Variants in NELL1 observed in about 807,000 individuals in gnomAD.
The protein encoded by NELL1 is neural EGFL like 1.
NELL1 carries 76 observed loss-of-function variants against 107.4 expected under a neutral mutation model. That is an observed-to-expected ratio of 0.71 (90% CI 0.59 to 0.86). The LOEUF (loss-of-function observed/expected upper bound fraction) is 0.86, where lower values mean the gene tolerates loss of function less well. Ranked by LOEUF, NELL1 falls within the 40% of genes least tolerant of loss-of-function variation. The probability of loss-of-function intolerance (pLI) is 0.00; values close to 1 mark genes in which losing one functional copy is unlikely to be tolerated. For missense variants in NELL1, 1,024 were observed against 1,005.5 expected, an observed-to-expected ratio of 1.02 and a Z score of -0.25; for synonymous variants, 353 against 341.2, an observed-to-expected ratio of 1.03 and a Z score of -0.38.
intron 17 of NELL1, among the ~76,000 whole-genome samples, chr11:21,568,338 T>C (rs1857020081): frequency 6.6e-6 from 1 of 151,826 alleles, no homozygotes; most frequent in East Asian, 1.9e-4. Flanking sequence ...CTAGCAGTTA[T>C]GGTAGGTGAG....
intron 15 of NELL1, among the ~76,000 whole-genome samples, chr11:21,532,098 C>G (rs1856004186): frequency 6.6e-6 from 1 of 152,094 alleles, no homozygotes; most frequent in Admixed American, 6.6e-5. Flanking sequence ...GTGATGTGAA[C>G]CTGATTATTT....
At chr11:21,127,720 G>A (rs1855518758) in intron 13 of NELL1, among the ~76,000 whole-genome samples, 1 of 152,106 alleles carries the variant, frequency 6.6e-6, no homozygotes, top group South Asian at 2.1e-4. Flanking sequence ...TCTTATGTCT[G>A]TTTTCAATGC....
intron 12 of NELL1, among the ~76,000 whole-genome samples, chr11:20,962,998 G>A (rs1307372152): frequency 6.6e-6 from 1 of 152,160 alleles, no homozygotes; most frequent in South Asian, 2.1e-4. Flanking sequence ...GAGGCACAGA[G>A]AACCCAGTAG....
At chr11:20,940,338 C>A (rs1850824053) in intron 10 of NELL1, among the ~76,000 whole-genome samples, 1 of 151,992 alleles carries the variant, frequency 6.6e-6, no homozygotes, top group Admixed American at 6.6e-5. Context: ...CGGCTCACTG[C>A]AACCTCTGCC....
intron 4 of NELL1, among the ~76,000 whole-genome samples, chr11:20,863,700 C>T (rs959667544): frequency 1.6e-4 from 25 of 151,790 alleles, no homozygotes; most frequent in East Asian, 2.0e-4. Context: ...ACTTCCCAGA[C>T]GGGGTGGTGA....
chr11:21,200,023 A>G (rs1033691285), intron 13 of NELL1, among the ~76,000 whole-genome samples: 1 of 152,026 alleles, frequency 6.6e-6, no homozygotes, highest in African/African-American at 2.4e-5. Context: ...TATGTGTCAC[A>G]TTTTCTTTAT....
intron 2 of NELL1, among the ~76,000 whole-genome samples, chr11:20,678,872 TG>T (rs1482481983): frequency 1.3e-5 from 2 of 152,208 alleles, no homozygotes; most frequent in African/African-American, 4.8e-5. Context: ...ATATGAATTT[TG>T]GTGGGACACA....
At chr11:20,739,284 G>C (rs1393531036) in intron 2 of NELL1, among the ~76,000 whole-genome samples, 3 of 152,214 alleles carry the variant, frequency 2.0e-5, no homozygotes, top group African/African-American at 7.2e-5. Flanking sequence ...GGCCTGCAGA[G>C]GACAGAGCCC....
chr11:21,333,575 T>C (rs1289687523), intron 14 of NELL1, among the ~76,000 whole-genome samples: 1 of 152,030 alleles, frequency 6.6e-6, no homozygotes, highest in Non-Finnish European at 1.5e-5. Context: ...ATGTGTGTAT[T>C]TAGTTTCATC....
At chr11:20,843,567 T>C (rs1848654165) in intron 3 of NELL1, among the ~76,000 whole-genome samples, 1 of 146,676 alleles carries the variant, frequency 6.8e-6, no homozygotes, top group Non-Finnish European at 1.5e-5. Context: ...GTTCTATATA[T>C]AAAATATAAT....
chr11:20,825,220 C>A (rs145578194), intron 3 of NELL1, among the ~76,000 whole-genome samples: 10 of 151,520 alleles, frequency 6.6e-5, no homozygotes, highest in East Asian at 1.9e-4. Context: ...TCATAGAGAA[C>A]CTCTGCTAGG....
chr11:21,573,556 A>T, intron 19 of NELL1, 147 bp downstream of exon 19: 2 of 703,460 alleles, frequency 2.8e-6, no homozygotes, highest in South Asian at 3.6e-5. Flanking sequence ...GGAATTTAAT[A>T]TGTATGAATA....
intron 2 of NELL1, among the ~76,000 whole-genome samples, chr11:20,709,658 C>T (rs1302390853): frequency 6.6e-6 from 1 of 152,126 alleles, no homozygotes; most frequent in Non-Finnish European, 1.5e-5. Flanking sequence ...AATATTGATT[C>T]TACCCATCCG....
chr11:20,707,048 G>A (rs1182042008), intron 2 of NELL1, among the ~76,000 whole-genome samples: 1 of 152,082 alleles, frequency 6.6e-6, no homozygotes, highest in Non-Finnish European at 1.5e-5. Flanking sequence ...CATATTTCTT[G>A]GAGGCTTTGT....
chr11:20,973,565 C>G (rs1214791241), intron 12 of NELL1, among the ~76,000 whole-genome samples: 1 of 152,188 alleles, frequency 6.6e-6, no homozygotes, highest in Non-Finnish European at 1.5e-5. Context: ...GAATGTGATT[C>G]CATGGATAAA....
intron 14 of NELL1, among the ~76,000 whole-genome samples, chr11:21,319,494 T>TTATATATATATATATATATA (rs143740709): frequency 5.2e-5 from 7 of 135,622 alleles, no homozygotes; most frequent in Non-Finnish European, 7.8e-5. Flanking sequence ...CCAGCTAAAT[T>TTATATATATATATATATATA]TATATATATA....
intron 12 of NELL1, among the ~76,000 whole-genome samples, chr11:21,015,714 A>G (rs958104518): frequency 9.2e-5 from 14 of 151,886 alleles, no homozygotes; most frequent in Non-Finnish European, 1.5e-4. Context: ...CTAAGAATCA[A>G]TTCCAGAGTC....
At chr11:20,874,166 T>A (rs927886642) in intron 4 of NELL1, among the ~76,000 whole-genome samples, 1 of 152,134 alleles carries the variant, frequency 6.6e-6, no homozygotes, top group African/African-American at 2.4e-5. Flanking sequence ...CTCCTGGGTT[T>A]AAGCGATTCT....
chr11:21,288,496 T>G (rs944794381), intron 14 of NELL1, among the ~76,000 whole-genome samples: 1 of 152,228 alleles, frequency 6.6e-6, no homozygotes, highest in Non-Finnish European at 1.5e-5. Context: ...TTTTGGTTAC[T>G]GGTCTTACAA....
Sources: allele counts gnomAD v4.1 joint callset (sites outside exome capture counted in the v4.1 genomes callset), GRCh38; gene constraint gnomAD v4.1.1; transcripts MANE v1.5; gene names NCBI Gene and HGNC (gene_info 2026-07-23, HGNC 2026-07-21).